Variants in C3orf70 observed in about 807,000 individuals in gnomAD.
C3orf70 encodes the protein chromosome 3 open reading frame 70, also known as UPF0524 protein C3orf70.
A neutral mutation model predicts 20.7 loss-of-function variants in C3orf70; 15 were observed. The observed-to-expected ratio is 0.72, with a 90% CI of 0.48 to 1.11. The LOEUF is 1.11. Ranked by LOEUF, C3orf70 falls within the 50% of genes most tolerant of loss-of-function variation. The pLI is 0.00. For synonymous variants in C3orf70, 161 were observed against 125.7 expected, an observed-to-expected ratio of 1.28 and a Z score of -1.88; for missense variants, 332 against 317.6, an observed-to-expected ratio of 1.05 and a Z score of -0.34.
At chr3:185,109,052 T>C (rs1437496489) in intron 1 of C3orf70, among the ~76,000 whole-genome samples, 1 of 152,206 alleles carries the variant, frequency 6.6e-6, no homozygotes, top group East Asian at 1.9e-4. Context: ...TCCCATACAA[T>C]TCTCAAGGAC....
intron 1 of C3orf70, among the ~76,000 whole-genome samples, chr3:185,084,004 G>A (rs1715409124): frequency 6.6e-6 from 1 of 152,108 alleles, no homozygotes; most frequent in Non-Finnish European, 1.5e-5. Flanking sequence ...GGCCAACGTG[G>A]CAAAACCCTG....
At chr3:185,133,871 T>C (rs148260538) in intron 1 of C3orf70, among the ~76,000 whole-genome samples, 2,023 of 152,290 alleles carry the variant, frequency 0.013, 51 homozygotes, top group African/African-American at 0.046. Context: ...GGCAGATCAC[T>C]TGAGCTCAGG....
At chr3:185,137,397 G>A (rs1032901485) in intron 1 of C3orf70, among the ~76,000 whole-genome samples, 1 of 152,156 alleles carries the variant, frequency 6.6e-6, no homozygotes, top group Non-Finnish European at 1.5e-5. Flanking sequence ...CATATAGACA[G>A]AAAATAAGCA....
intron 1 of C3orf70, among the ~76,000 whole-genome samples, chr3:185,109,985 TG>T (rs1716036285): frequency 6.6e-6 from 1 of 152,202 alleles, no homozygotes; most frequent in Non-Finnish European, 1.5e-5. Flanking sequence ...AAATTGCACC[TG>T]TCAGTCTGCA....
chr3:185,127,908 T>C (rs1429315249), intron 1 of C3orf70, among the ~76,000 whole-genome samples: 1 of 152,170 alleles, frequency 6.6e-6, no homozygotes, highest in African/African-American at 2.4e-5. Context: ...CAGGAGATTT[T>C]CCCCTCAAGA....
chr3:185,123,423 G>A (rs935873550), intron 1 of C3orf70, among the ~76,000 whole-genome samples: 4 of 151,726 alleles, frequency 2.6e-5, no homozygotes, highest in African/African-American at 9.7e-5. Context: ...GATATTTTGG[G>A]TGACTACAGT....
chr3:185,097,842 T>C (rs150176792), intron 1 of C3orf70, among the ~76,000 whole-genome samples: 2,815 of 152,328 alleles, frequency 0.018, 33 homozygotes, highest in Non-Finnish European at 0.029. Context: ...ACCTAAGACA[T>C]TCGGCACTGG....
intron 1 of C3orf70, among the ~76,000 whole-genome samples, chr3:185,118,625 C>T (rs1436270269): frequency 6.6e-6 from 1 of 152,122 alleles, no homozygotes; most frequent in Non-Finnish European, 1.5e-5. Context: ...AAAGCCCTAA[C>T]ATTTAAATTA....
chr3:185,120,033 A>AAAAAAAGAAAAAGAAAG (rs55921240), intron 1 of C3orf70, among the ~76,000 whole-genome samples: 33,837 of 99,620 alleles, frequency 0.34, 7,570 homozygotes, highest in East Asian at 0.73. Flanking sequence ...AAAAAAAAAA[A>AAAAAAAGAAAAAGAAAG]AAAAAGAAAA....
chr3:185,152,287 C>CA (rs1717002400), intron 1 of C3orf70, among the ~76,000 whole-genome samples: 1 of 152,268 alleles, frequency 6.6e-6, no homozygotes, highest in East Asian at 1.9e-4. Flanking sequence ...TCCCATTTCT[C>CA]AAAACACCGC....
In C3orf70 at chr3:185,120,176, C is replaced by T. The variant is rs114315532; in HGVS notation, c.196+32452G>A. Among the ~76,000 whole-genome samples the T allele has an allele frequency of 5.3e-3, 812 of 152,114 alleles. 4 individuals are homozygous for T. The highest frequency in any genetic ancestry group is 8.8e-3 in the Non-Finnish European group (601 of 68,000). ...CAAGTATAAATACATTTCTGTCTAA[C>T]GGTGAAAATGTACAAGCATGTAAGA... is the stretch of plus-strand genomic sequence containing the variant. On this transcript the variant is annotated intron_variant, in intron 1 of 1. Coordinates refer to ENST00000335012, the MANE Select transcript of C3orf70 (RefSeq NM_001025266.3).
chr3:185,105,787 G>C (rs1317925769), intron 1 of C3orf70, among the ~76,000 whole-genome samples: 1 of 152,200 alleles, frequency 6.6e-6, no homozygotes, highest in Non-Finnish European at 1.5e-5. Context: ...TGTGGAACTA[G>C]CTGGAGGACA....
At chr3:185,105,202 G>A (rs531149454) in intron 1 of C3orf70, among the ~76,000 whole-genome samples, 111 of 152,322 alleles carry the variant, frequency 7.3e-4, no homozygotes, top group African/African-American at 2.6e-3. Context: ...ATATCCACAT[G>A]TGTTGGGAGC....
intron 1 of C3orf70, among the ~76,000 whole-genome samples, chr3:185,132,948 C>G (rs1419651763): frequency 6.6e-6 from 1 of 152,174 alleles, no homozygotes; most frequent in African/African-American, 2.4e-5. Flanking sequence ...CAACTGACAG[C>G]TGACTTCTTC....
chr3:185,128,632 G>A (rs1368611027), intron 1 of C3orf70, among the ~76,000 whole-genome samples: 2 of 151,852 alleles, frequency 1.3e-5, no homozygotes, highest in Non-Finnish European at 2.9e-5. Flanking sequence ...TAACCTTGAA[G>A]GCTACTTAGT....
At chr3:185,096,183 CTG>C (rs1455658486) in intron 1 of C3orf70, among the ~76,000 whole-genome samples, 2 of 152,176 alleles carry the variant, frequency 1.3e-5, no homozygotes, top group African/African-American at 2.4e-5. Context: ...TCTCCTGAAA[CTG>C]TAGTTAAACC....
Position 185,152,695 on chromosome 3 carries a change from G to A in C3orf70, c.129C>T (p.Ile43=). The A allele has an allele frequency of 1.3e-6, 2 of 1,594,658 alleles. No homozygotes were observed. The highest frequency in any genetic ancestry group is 2.3e-5 in the South Asian group (2 of 88,646). The change falls in exon 1 of 2, where the codon ATC becomes ATT. Residue 43 remains isoleucine (I), a synonymous_variant. Coordinates refer to ENST00000335012, the MANE Select transcript of C3orf70 (RefSeq NM_001025266.3). ...ACTTGCCATGGCTGTGCGTGGCACAGATAGACAGCCCGTCGCACGGCTGGA... is the reference window on the plus strand; with the variant it reads ...ACTTGCCATGGCTGTGCGTGGCACAAATAGACAGCCCGTCGCACGGCTGGA... ...PDFQPCDGLS[I]CATHSHGKCF...
intron 1 of C3orf70, among the ~76,000 whole-genome samples, chr3:185,095,396 C>T (rs1715680404): frequency 6.6e-6 from 1 of 152,218 alleles, no homozygotes; most frequent in African/African-American, 2.4e-5. Flanking sequence ...TAGAGTTCTA[C>T]AGATACCAAA....
chr3:185,085,099 C>T (rs9854798), intron 1 of C3orf70, among the ~76,000 whole-genome samples: 2,676 of 152,216 alleles, frequency 0.018, 80 homozygotes, highest in African/African-American at 0.062. Flanking sequence ...AATTCCCCAA[C>T]GGGTGAAATC....
Sources: gnomAD v4.1 joint callset for allele counts (sites outside exome capture counted in the v4.1 genomes callset) on GRCh38, gnomAD v4.1.1 for gene constraint, MANE v1.5 for transcripts, NCBI Gene and HGNC (gene_info 2026-07-23, HGNC 2026-07-21) for gene names.